Variants in NUP93 observed in about 807,000 individuals in gnomAD.
NUP93 encodes nuclear pore complex protein Nup93.
A neutral mutation model predicts 107.8 loss-of-function variants in NUP93; 55 were observed. That is an observed-to-expected ratio of 0.51 (90% confidence interval 0.41 to 0.64). The LOEUF (loss-of-function observed/expected upper bound fraction) is 0.64, where lower values mean the gene tolerates loss of function less well. Ranked by LOEUF, NUP93 falls within the 30% of genes least tolerant of loss-of-function variation. The pLI is 0.00. For synonymous variants in NUP93, 390 were observed against 397.5 expected, an observed-to-expected ratio of 0.98 and a Z score of 0.22; for missense variants, 937 against 1,044.7, an observed-to-expected ratio of 0.90 and a Z score of 1.42.
chr16:56,794,134 G>A (rs1401894887), intron 3 of NUP93, among the ~76,000 whole-genome samples: 4 of 149,700 alleles, frequency 2.7e-5, no homozygotes, highest in Non-Finnish European at 6.0e-5. Context: ...AGATAGATGT[G>A]TTATTATTTT....
chr16:56,739,630 T>C (rs1305241781), intron 1 of NUP93, among the ~76,000 whole-genome samples: 17 of 55,558 alleles, frequency 3.1e-4, no homozygotes, highest in African/African-American at 6.6e-4. Context: ...GGGGCCGACA[T>C]CCCCACCTCC....
chr16:56,770,129 C>A (rs1332855738), intron 3 of NUP93, among the ~76,000 whole-genome samples: 11 of 152,182 alleles, frequency 7.2e-5, no homozygotes, highest in Non-Finnish European at 1.5e-5. Context: ...TAAACAAACG[C>A]AAACTAACAT....
chr16:56,788,090 G>A (rs2144532905), intron 3 of NUP93, among the ~76,000 whole-genome samples: 2 of 152,278 alleles, frequency 1.3e-5, no homozygotes, highest in Middle Eastern at 3.4e-3. Flanking sequence ...GCGGGAAGGG[G>A]ATAAAATGCT....
At position 56,802,601 on chromosome 16, in the gene NUP93, A is replaced by G. The variant is rs533159771; in HGVS notation, c.361-2903A>G. Among the ~76,000 whole-genome samples, 3 of 152,240 alleles carry G rather than the reference A, an allele frequency of 2.0e-5. No individual in the cohort carries two copies. The South Asian group carries it at 6.2e-4, about 32-fold the overall frequency. On this transcript the variant is annotated intron_variant, in intron 4 of 21. Transcript: ENST00000308159. ...CTAATCACGTGTCATATGTGTATGT[A>G]TGTCTGATGTCCTTTTTCACATTTT...
At chr16:56,740,464 T>C (rs1961710482) in intron 1 of NUP93, among the ~76,000 whole-genome samples, 1 of 139,148 alleles carries the variant, frequency 7.2e-6, no homozygotes, top group African/African-American at 2.7e-5. Context: ...TTCCTAGATG[T>C]GATGGCGGCT....
At position 56,849,854 on chromosome 16, in the gene NUP93, A is replaced by C. The variant is rs183138845; in HGVS notation, c.*5245A>C. On this transcript the variant is annotated 3_prime_UTR_variant, in exon 22 of 22. Coordinates refer to ENST00000308159, the MANE Select transcript of NUP93 (RefSeq NM_014669.5). ...GTGCATTGTTTGTGCTTTTGTGGGCATCGGAAATGACTGAGATACGCAGTT... is the reference window on the plus strand; with the variant it reads ...GTGCATTGTTTGTGCTTTTGTGGGCCTCGGAAATGACTGAGATACGCAGTT... 6.6e-6 allele frequency: 1 copy of C among 152,312 alleles called. No homozygotes were observed. The highest frequency in any genetic ancestry group is 1.9e-4 in the East Asian group (1 of 5,178). The allele number at this position is 152,312 out of a possible 1,614,324, so 9.4% of individuals were successfully genotyped here. A position where few individuals can be genotyped will look rare whatever the true frequency, so the allele number is the denominator to read the frequency against.
chr16:56,777,848 A>T (rs1962443327), intron 3 of NUP93, among the ~76,000 whole-genome samples: 1 of 152,206 alleles, frequency 6.6e-6, no homozygotes, highest in Admixed American at 6.5e-5. Context: ...AGCTGAAAAG[A>T]TTTGAAAGAA....
intron 3 of NUP93, chr16:56,782,328 T>G (rs1003235867): frequency 1.9e-6 from 1 of 532,202 alleles, no homozygotes; most frequent in African/African-American, 2.1e-5. Context: ...GTTTGAAAAT[T>G]TGAGATAAAT....
At chr16:56,828,705 A>G (rs534746221) in intron 8 of NUP93, among the ~76,000 whole-genome samples, 2 of 152,324 alleles carry the variant, frequency 1.3e-5, no homozygotes, top group Admixed American at 1.3e-4. Context: ...ATTATTCTGT[A>G]TATCCACCCT....
chr16:56,768,150 G>A (rs1229124137), intron 3 of NUP93, among the ~76,000 whole-genome samples: 1 of 152,164 alleles, frequency 6.6e-6, no homozygotes, highest in African/African-American at 2.4e-5. Context: ...TTGTGGACCG[G>A]TGCTCCTTTG....
At chr16:56,791,501 C>T (rs1393196802) in intron 3 of NUP93, among the ~76,000 whole-genome samples, 1 of 152,192 alleles carries the variant, frequency 6.6e-6, no homozygotes, top group African/African-American at 2.4e-5. Context: ...AACAAATAAG[C>T]CAAGAGAATT....
chr16:56,804,690 C>T (rs1404666461), intron 4 of NUP93, among the ~76,000 whole-genome samples: 1 of 152,108 alleles, frequency 6.6e-6, no homozygotes, highest in African/African-American at 2.4e-5. Flanking sequence ...GGGCAGATCA[C>T]CTGAGGTCAG....
intron 17 of NUP93, among the ~76,000 whole-genome samples, chr16:56,837,354 G>A (rs1381454319): frequency 2.0e-5 from 3 of 152,224 alleles, no homozygotes; most frequent in Non-Finnish European, 4.4e-5. Context: ...CTTGAGGCCA[G>A]GAGTTCGAGA....
At chr16:56,794,097 GA>G (rs1596807800) in intron 3 of NUP93, among the ~76,000 whole-genome samples, 20 of 141,452 alleles carry the variant, frequency 1.4e-4, no homozygotes, top group South Asian at 2.2e-4. Context: ...TAGGTAGATA[GA>G]TAGATAGATA....
chr16:56,796,254 A>T (rs1380595762), intron 3 of NUP93, among the ~76,000 whole-genome samples: 5 of 152,208 alleles, frequency 3.3e-5, no homozygotes, highest in Non-Finnish European at 5.9e-5. Flanking sequence ...TAAGATTACA[A>T]TACCATATTT....
At chr16:56,774,066 T>C (rs1476283885) in intron 3 of NUP93, among the ~76,000 whole-genome samples, 1 of 152,216 alleles carries the variant, frequency 6.6e-6, no homozygotes, top group Non-Finnish European at 1.5e-5. Context: ...GCTCAAAATA[T>C]ACTACCTAAA....
In NUP93 at chr16:56,822,281, G is replaced by A. The variant is rs537926120; in HGVS notation, c.654+688G>A. Among the ~76,000 whole-genome samples, 121 of 152,002 alleles carry A rather than the reference G, an allele frequency of 8.0e-4. 4 individuals carry two copies. Among genetic ancestry groups the A allele is most frequent in the Admixed American group, 7.8e-3 (119 of 15,274 alleles). On this transcript the variant is annotated intron_variant, in intron 7 of 21. Transcript: ENST00000308159. ...AACCCTAGCACGTTTTGAGGCTGAGGTGGGTGGATTGCTTGCACCCAGGAG... is the reference window on the plus strand; with the variant it reads ...AACCCTAGCACGTTTTGAGGCTGAGATGGGTGGATTGCTTGCACCCAGGAG...
Position 56,844,674 on chromosome 16 carries a change from G to A in NUP93, c.*65G>A, listed in dbSNP as rs536108324. ...GTACATCAGGCACATGGGCCCACTA[G>A]GCTGGGGTTTCTGGTTTTGTTTCTG... is the stretch of plus-strand genomic sequence containing the variant. On this transcript the variant is annotated 3_prime_UTR_variant, in exon 22 of 22. Coordinates refer to ENST00000308159, the MANE Select transcript of NUP93 (RefSeq NM_014669.5). 5.2e-6 allele frequency: 5 copies of A among 959,778 alleles called. No homozygotes were observed. The Admixed American group carries it at 1.3e-4, about 26-fold the overall frequency. 59.5% of individuals were successfully genotyped at this position (959,778 alleles called of 1,614,324 possible).
chr16:56,743,028 G>A (rs1961764210), intron 1 of NUP93, among the ~76,000 whole-genome samples: 1 of 152,166 alleles, frequency 6.6e-6, no homozygotes, highest in African/African-American at 2.4e-5. Context: ...AATCCTGAAG[G>A]GGGCCACTCT....
Sources: gnomAD v4.1 joint callset for allele counts (sites outside exome capture counted in the v4.1 genomes callset) on GRCh38, gnomAD v4.1.1 for gene constraint, MANE v1.5 for transcripts, NCBI Gene and HGNC (gene_info 2026-07-23, HGNC 2026-07-21) for gene names.